The following MAPKAPK3 variants were observed in gnomAD, a reference collection of about 807,000 sequenced individuals.
MAPKAPK3 encodes the protein MAPK activated protein kinase 3, also known as MAP kinase-activated protein kinase 3.
Under a neutral mutation model 49.2 loss-of-function variants are expected in MAPKAPK3, and 35 were observed. That is an observed-to-expected ratio of 0.71 (90% confidence interval 0.54 to 0.94). The LOEUF (loss-of-function observed/expected upper bound fraction) is 0.94. MAPKAPK3 is among the 40% of genes least tolerant of loss of function. The pLI is 0.00. For missense variants in MAPKAPK3, 398 were observed against 493.1 expected, an observed-to-expected ratio of 0.81 and a Z score of 1.83; for synonymous variants, 178 against 188.7, an observed-to-expected ratio of 0.94 and a Z score of 0.46.
chr3:50,625,329 C>T (rs1233566839), intron 2 of MAPKAPK3, among the ~76,000 whole-genome samples: 2 of 152,130 alleles, frequency 1.3e-5, no homozygotes, highest in Non-Finnish European at 2.9e-5. Flanking sequence ...GCGCCCTGCA[C>T]CTGGGGAACC....
chr3:50,613,992 G>A (rs1161521393), upstream of MAPKAPK3: 5 of 152,262 alleles, frequency 3.3e-5, no homozygotes, highest in African/African-American at 9.7e-5. Flanking sequence ...AGCACCATGG[G>A]TGTCCCTTTG....
chr3:50,611,841 G>A (rs2032338545), upstream of MAPKAPK3: 1 of 665,528 alleles, frequency 1.5e-6, no homozygotes, highest in East Asian at 3.5e-5. Context: ...GGCGGGGCGA[G>A]CTGCTGCCTA....
chr3:50,644,676 C>T (rs993010275), intron 6 of MAPKAPK3, 144 bp downstream of exon 6: 63 of 805,558 alleles, frequency 7.8e-5, no homozygotes, highest in Non-Finnish European at 9.5e-5. Flanking sequence ...AGGCGGGTGA[C>T]GTGGGGGGCC....
At chr3:50,640,654 A>G (rs1373410866) in intron 3 of MAPKAPK3, 149 bp downstream of exon 3, 1 of 973,414 alleles carries the variant, frequency 1.0e-6, no homozygotes, top group South Asian at 1.7e-5. Flanking sequence ...AGGCAGCCGC[A>G]GGCCCTGCCT....
chr3:50,644,287 A>C lies in MAPKAPK3; in HGVS notation c.505-122A>C, dbSNP rs1436829056. ...TAGTGGGCAAGGCCCGGGTCTTTTT[A>C]TAAATGGACCTGGCTCCTTCTGCAC... On this transcript the variant is annotated intron_variant, in intron 5 of 10. Transcript: ENST00000621469. 9 of 1,198,206 alleles carry C rather than the reference A, an allele frequency of 7.5e-6. 1 individual carries two copies. Among genetic ancestry groups the C allele is most frequent in the Non-Finnish European group, 9.4e-6 (8 of 852,076 alleles). 74.2% of individuals were successfully genotyped at this position (1,198,206 alleles called of 1,614,324 possible).
chr3:50,611,581 C>T (rs775044651), upstream of MAPKAPK3: 20 of 1,524,394 alleles, frequency 1.3e-5, no homozygotes, highest in Non-Finnish European at 1.7e-5. Context: ...CCCCTGTTCT[C>T]CCGTGCGCCC....
intron 2 of MAPKAPK3, among the ~76,000 whole-genome samples, chr3:50,632,378 T>C (rs1480146778): frequency 1.3e-5 from 2 of 152,268 alleles, no homozygotes; most frequent in Non-Finnish European, 2.9e-5. Flanking sequence ...GGGTTTCTGG[T>C]GCATTTTGTC....
intron 2 of MAPKAPK3, 65 bp downstream of exon 2, chr3:50,617,849 A>C (rs2032512201): frequency 8.0e-7 from 1 of 1,246,926 alleles, no homozygotes. Flanking sequence ...CTGTGAGTGA[A>C]GCTATGTCTA....
chr3:50,617,833 G>A (rs772427975), intron 2 of MAPKAPK3, 49 bp downstream of exon 2: 2 of 1,467,970 alleles, frequency 1.4e-6, no homozygotes, highest in South Asian at 1.1e-5. Flanking sequence ...GGTCCACAGC[G>A]GAAGCCTGTG....
chr3:50,631,160 A>G (rs1359290094), intron 2 of MAPKAPK3, among the ~76,000 whole-genome samples: 3 of 152,240 alleles, frequency 2.0e-5, no homozygotes, highest in Non-Finnish European at 4.4e-5. Flanking sequence ...TAGCTGCAAA[A>G]TTGGTTCCAT....
In MAPKAPK3 at chr3:50,619,945, G is replaced by A. The variant is rs572556875; in HGVS notation, c.219+2161G>A. Among the ~76,000 whole-genome samples the A allele has an allele frequency of 1.0e-3, 152 of 152,228 alleles. 1 individual carries two copies. The highest frequency in any genetic ancestry group is 2.9e-3 in the Admixed American group (45 of 15,296). On this transcript the variant is annotated intron_variant, in intron 2 of 10. Coordinates refer to ENST00000621469, the MANE Select transcript of MAPKAPK3 (RefSeq NM_001243925.2). Reference sequence around the variant, plus strand: ...CCCTTTATGGGTGAGCATGGCTAAGGCTACTAGCTTGGGACCTTCAGGATC... The same window carrying A: ...CCCTTTATGGGTGAGCATGGCTAAGACTACTAGCTTGGGACCTTCAGGATC...
chr3:50,635,494 T>C (rs1297437225), intron 2 of MAPKAPK3, among the ~76,000 whole-genome samples: 1 of 128,228 alleles, frequency 7.8e-6, no homozygotes, highest in African/African-American at 3.0e-5. Context: ...CTCAGCTCAC[T>C]GCAACCTCCG....
At chr3:50,621,052 G>C (rs1016125996) in intron 2 of MAPKAPK3, among the ~76,000 whole-genome samples, 1 of 152,210 alleles carries the variant, frequency 6.6e-6, no homozygotes, top group Non-Finnish European at 1.5e-5. Flanking sequence ...GGTTTGAAGT[G>C]GGGGGTGTAG....
intron 2 of MAPKAPK3, among the ~76,000 whole-genome samples, chr3:50,625,322 C>T (rs1036843506): frequency 2.0e-5 from 3 of 152,050 alleles, no homozygotes; most frequent in East Asian, 1.9e-4. Flanking sequence ...CTTGGGTGCG[C>T]CCTGCACCTG....
intron 2 of MAPKAPK3, among the ~76,000 whole-genome samples, chr3:50,627,282 G>A (rs1183980273): frequency 3.3e-5 from 5 of 151,790 alleles, no homozygotes; most frequent in African/African-American, 7.3e-5. Context: ...AATGATCATC[G>A]GCAGTGCCAG....
intron 2 of MAPKAPK3, among the ~76,000 whole-genome samples, chr3:50,618,304 G>A (rs1037225028): frequency 1.3e-5 from 2 of 152,200 alleles, no homozygotes; most frequent in African/African-American, 4.8e-5. Flanking sequence ...CACTGCACCT[G>A]TGGAGCCTCA....
chr3:50,636,943 C>A (rs2033055789), intron 2 of MAPKAPK3, among the ~76,000 whole-genome samples: 1 of 152,124 alleles, frequency 6.6e-6, no homozygotes, highest in Non-Finnish European at 1.5e-5. Flanking sequence ...CGGGGACGGC[C>A]CTCTCCCCTG....
At chr3:50,614,723 C>T (rs1397925733), upstream of MAPKAPK3, among the ~76,000 whole-genome samples, 5 of 152,146 alleles carry the variant, frequency 3.3e-5, no homozygotes, top group Non-Finnish European at 4.4e-5. Context: ...GTTGCTGGAA[C>T]ATGAGCACTA....
intron 2 of MAPKAPK3, among the ~76,000 whole-genome samples, chr3:50,618,281 C>T (rs1006527329): frequency 6.6e-6 from 1 of 152,144 alleles, no homozygotes; most frequent in African/African-American, 2.4e-5. Flanking sequence ...GGCCAGAGGA[C>T]AAGGCTGATG....
Sources: allele counts gnomAD v4.1 joint callset (sites outside exome capture counted in the v4.1 genomes callset), GRCh38; gene constraint gnomAD v4.1.1; transcripts MANE v1.5; gene names NCBI Gene and HGNC (gene_info 2026-07-23, HGNC 2026-07-21).